FGF13: variants seen among roughly 807,000 people sequenced by gnomAD.
The protein encoded by FGF13 is fibroblast growth factor homologous factor 2.
In FGF13, 2 loss-of-function variants were observed where a neutral mutation model predicts 19.5. The ratio of observed to expected loss-of-function variants is 0.10; its 90% CI spans 0.04 to 0.32. The LOEUF (loss-of-function observed/expected upper bound fraction) is 0.32. Among genes scored for constraint, FGF13 ranks in the 10% least tolerant of loss-of-function variants. FGF13 has a pLI of 1.00. For missense variants in FGF13, 113 were observed against 192.7 expected (o/e 0.59, Z 2.45); for synonymous variants, 72 against 76.9 (o/e 0.94, Z 0.33).
rs944296607 is a variant in FGF13 at position 138,629,146 on chromosome X, A to C, written c.*3704T>G. 8.9e-6 allele frequency: 1 copy of C among 111,766 alleles called. No homozygotes were observed. The highest frequency in any genetic ancestry group is 1.9e-5 in the Non-Finnish European group (1 of 53,188). 9.2% of individuals were successfully genotyped at this position (111,766 alleles called of 1,213,427 possible). ...AGGCCAAGCTTAAAACAAAAGAAGCATATAAAACACCACAGGTGATTCAGG... is the reference window on the plus strand; with the variant it reads ...AGGCCAAGCTTAAAACAAAAGAAGCCTATAAAACACCACAGGTGATTCAGG... On this transcript the variant is annotated 3_prime_UTR_variant, in exon 5 of 5. Coordinates refer to ENST00000315930, the MANE Select transcript of FGF13 (RefSeq NM_004114.5).
intron 3 of FGF13, among the ~76,000 whole-genome samples, chrX:138,776,878 A>G (rs1462691957): frequency 9.1e-6 from 1 of 109,976 alleles, no homozygotes; most frequent in Non-Finnish European, 1.9e-5. Flanking sequence ...GTGTAGATGT[A>G]TTTCTCCCTG....
chrX:138,826,856 C>T (rs143586469), intron 3 of FGF13, among the ~76,000 whole-genome samples: 2,569 of 112,144 alleles, frequency 0.023, 79 homozygotes, highest in African/African-American at 0.08. Flanking sequence ...GATCCTAGCT[C>T]AATAGCTACA....
intron 3 of FGF13, chrX:138,806,603 T>A (rs897905749): frequency 8.9e-6 from 1 of 112,158 alleles, no homozygotes; most frequent in Admixed American, 9.5e-5. Context: ...AAGATAAGGA[T>A]ACTGTTGCTG....
intron 3 of FGF13, among the ~76,000 whole-genome samples, chrX:138,774,135 C>A (rs1183537577): frequency 1.8e-5 from 2 of 111,470 alleles, no homozygotes; most frequent in East Asian, 2.8e-4. Context: ...GTATTCCTAC[C>A]CATTCTTCAC....
At chrX:139,001,623 T>A (rs2092073841) in intron 1 of FGF13, among the ~76,000 whole-genome samples, 1 of 111,573 alleles carries the variant, frequency 9.0e-6, no homozygotes, top group African/African-American at 3.3e-5. Context: ...AAAATACAAA[T>A]CAAATCCACA....
intron 3 of FGF13, among the ~76,000 whole-genome samples, chrX:138,825,219 G>A (rs1179665100): frequency 9.0e-6 from 1 of 111,728 alleles, no homozygotes; most frequent in Non-Finnish European, 1.9e-5. Flanking sequence ...TGTCTTTGGA[G>A]TCAGACAAAT....
intron 3 of FGF13, among the ~76,000 whole-genome samples, chrX:138,838,092 C>G (rs767820525): frequency 1.8e-5 from 2 of 112,095 alleles, no homozygotes; most frequent in Non-Finnish European, 3.8e-5. Context: ...AAACAGCAAA[C>G]ATGGCGCCCC....
At chrX:138,861,533 CTA>C (rs1342836487) in intron 2 of FGF13, among the ~76,000 whole-genome samples, 1 of 112,300 alleles carries the variant, frequency 8.9e-6, no homozygotes, top group African/African-American at 3.2e-5. Context: ...ATGAAATCCT[CTA>C]TGTCATTTCA....
At chrX:139,036,457 T>C (rs1407555192) in intron 1 of FGF13, among the ~76,000 whole-genome samples, 1 of 111,526 alleles carries the variant, frequency 9.0e-6, no homozygotes, top group African/African-American at 3.3e-5. Context: ...AGAATTGTTT[T>C]TGTAAATTGA....
At chrX:139,110,539 C>T (rs1418968287) in intron 1 of FGF13, among the ~76,000 whole-genome samples, 1 of 111,540 alleles carries the variant, frequency 9.0e-6, no homozygotes, top group Non-Finnish European at 1.9e-5. Context: ...GTGCCTTTTG[C>T]CTTCTGCCAT....
intron 3 of FGF13, among the ~76,000 whole-genome samples, chrX:138,765,469 T>C (rs2090496022): frequency 8.9e-6 from 1 of 112,268 alleles, no homozygotes; most frequent in South Asian, 3.7e-4. Flanking sequence ...TAACAGGCAC[T>C]CTGTCCCAGT....
intron 1 of FGF13, among the ~76,000 whole-genome samples, chrX:139,176,079 A>G (rs79528054): frequency 9.0e-6 from 1 of 111,550 alleles, no homozygotes; most frequent in African/African-American, 3.3e-5. Flanking sequence ...CGATTTCAGA[A>G]CTTGTCATTG....
At chrX:138,758,464 C>T (rs2090445226) in intron 3 of FGF13, among the ~76,000 whole-genome samples, 1 of 111,657 alleles carries the variant, frequency 9.0e-6, no homozygotes, top group East Asian at 2.8e-4. Flanking sequence ...AAAAACACAG[C>T]AAGTTCCTAG....
At chrX:139,204,491 C>G (rs958909819), upstream of FGF13, among the ~76,000 whole-genome samples, 2 of 112,347 alleles carry the variant, frequency 1.8e-5, no homozygotes, top group African/African-American at 6.5e-5. Flanking sequence ...CCGAGAGGAG[C>G]GGCCGGGACT....
At chrX:138,805,760 G>A (rs1246832076) in intron 3 of FGF13, among the ~76,000 whole-genome samples, 1 of 111,744 alleles carries the variant, frequency 8.9e-6, no homozygotes, top group East Asian at 2.8e-4. Flanking sequence ...ATATATTATT[G>A]TTGACTATGG....
At chrX:138,980,990 G>T (rs1439245757) in intron 1 of FGF13, among the ~76,000 whole-genome samples, 1 of 111,170 alleles carries the variant, frequency 9.0e-6, no homozygotes, top group African/African-American at 3.3e-5. Context: ...ATACAAATAA[G>T]ATGCAGTCCC....
intron 1 of FGF13, among the ~76,000 whole-genome samples, chrX:139,080,931 C>A (rs1888671994): frequency 9.0e-6 from 1 of 110,967 alleles, no homozygotes; most frequent in Non-Finnish European, 1.9e-5. Flanking sequence ...ATGTCTATAC[C>A]ACTGCATCAT....
intron 1 of FGF13, among the ~76,000 whole-genome samples, chrX:139,178,914 G>A (rs766780668): frequency 8.9e-6 from 1 of 111,733 alleles, no homozygotes; most frequent in East Asian, 2.8e-4. Flanking sequence ...TTCTATAATA[G>A]ATCTTTTATA....
chrX:139,197,390 G>A (rs1041208882), intron 1 of FGF13, among the ~76,000 whole-genome samples: 5 of 112,454 alleles, frequency 4.4e-5, no homozygotes, highest in Non-Finnish European at 9.4e-5. Context: ...ATAATTTAGA[G>A]GCTACTATTA....
Sources: gnomAD v4.1 joint callset for allele counts (sites outside exome capture counted in the v4.1 genomes callset) on GRCh38, gnomAD v4.1.1 for gene constraint, MANE v1.5 for transcripts, NCBI Gene and HGNC (gene_info 2026-07-23, HGNC 2026-07-21) for gene names.